Variants in EPHA6 observed in about 807,000 individuals in gnomAD.
The protein encoded by EPHA6 is ephrin type-A receptor 6.
In EPHA6, 50 loss-of-function variants were observed where a neutral mutation model predicts 112.0. The ratio of observed to expected loss-of-function variants is 0.45; its 90% CI spans 0.36 to 0.56. EPHA6 has a LOEUF of 0.56. EPHA6 is among the 20% of genes least tolerant of loss of function. The pLI is 0.00. For missense variants in EPHA6, 1,280 were observed against 1,417.4 expected, an observed-to-expected ratio of 0.90 and a Z score of 1.56; for synonymous variants, 529 against 490.7, an observed-to-expected ratio of 1.08 and a Z score of -1.03.
chr3:97,226,255 T>C lies in EPHA6; in HGVS notation c.1115-9T>C. 2 of 1,588,666 alleles carry C rather than the reference T, an allele frequency of 1.3e-6. No individual in the cohort carries two copies. The highest frequency in any genetic ancestry group is 1.7e-6 in the Non-Finnish European group (2 of 1,170,216). On this transcript the variant is annotated splice_polypyrimidine_tract_variant and intron_variant, in intron 3 of 17. Transcript: ENST00000389672. Reference sequence around the variant, plus strand: ...ATAACTAAAAAAGTGTTTTTTTCTCTTTTTACAGCTTGCAGACCAGGATTC... The same window carrying C: ...ATAACTAAAAAAGTGTTTTTTTCTCCTTTTACAGCTTGCAGACCAGGATTC...
intron 5 of EPHA6, among the ~76,000 whole-genome samples, chr3:97,336,175 C>T (rs1400539361): frequency 6.6e-6 from 1 of 152,080 alleles, no homozygotes; most frequent in Non-Finnish European, 1.5e-5. Context: ...GCAGTCTAGT[C>T]CCCAGGTAGA....
chr3:97,169,070 G>A (rs1484697368), intron 3 of EPHA6, among the ~76,000 whole-genome samples: 1 of 152,124 alleles, frequency 6.6e-6, no homozygotes, highest in Non-Finnish European at 1.5e-5. Flanking sequence ...ACACTTGTGT[G>A]TCACATTGGA....
intron 5 of EPHA6, among the ~76,000 whole-genome samples, chr3:97,375,296 A>G (rs2085288813): frequency 6.6e-6 from 1 of 152,160 alleles, no homozygotes; most frequent in South Asian, 2.1e-4. Context: ...TGTTGTGTCT[A>G]ATATTAGTCT....
intron 3 of EPHA6, among the ~76,000 whole-genome samples, chr3:97,225,372 C>T (rs1046457380): frequency 6.6e-5 from 10 of 152,208 alleles, no homozygotes; most frequent in African/African-American, 2.2e-4. Flanking sequence ...GATTTATTGA[C>T]TATTTTGTGA....
intron 6 of EPHA6, among the ~76,000 whole-genome samples, chr3:97,436,929 A>C (rs1253858938): frequency 6.6e-6 from 1 of 152,204 alleles, no homozygotes; most frequent in African/African-American, 2.4e-5. Context: ...ATTGTGTATA[A>C]TTAAGAGATA....
At chr3:97,079,870 T>C (rs72920208) in intron 3 of EPHA6, among the ~76,000 whole-genome samples, 31,212 of 151,730 alleles carry the variant, frequency 0.21, 6,768 homozygotes, top group African/African-American at 0.55. Context: ...AAAAAAATTA[T>C]GACTTGCTGA....
intron 10 of EPHA6, among the ~76,000 whole-genome samples, chr3:97,486,924 G>T (rs1372377808): frequency 6.6e-6 from 1 of 152,124 alleles, no homozygotes; most frequent in African/African-American, 2.4e-5. Context: ...ACATTGTTTT[G>T]TATCCTTTAT....
chr3:96,949,142 C>A (rs559166122), intron 2 of EPHA6, among the ~76,000 whole-genome samples: 2 of 151,786 alleles, frequency 1.3e-5, no homozygotes, highest in African/African-American at 2.4e-5. Flanking sequence ...TACATCAGGT[C>A]GAAAATAAAT....
chr3:97,598,907 C>T (rs920418952), intron 12 of EPHA6, among the ~76,000 whole-genome samples: 4 of 150,308 alleles, frequency 2.7e-5, no homozygotes, highest in East Asian at 2.0e-4. Context: ...TCCTATTTCT[C>T]CACATCCTCT....
At chr3:97,179,813 C>G (rs2076939753) in intron 3 of EPHA6, among the ~76,000 whole-genome samples, 3 of 150,408 alleles carry the variant, frequency 2.0e-5, no homozygotes, top group Non-Finnish European at 4.4e-5. Flanking sequence ...CTATGGCCAC[C>G]ACCATTGTAA....
chr3:97,262,514 G>T (rs1421372923), intron 5 of EPHA6, among the ~76,000 whole-genome samples: 1 of 152,018 alleles, frequency 6.6e-6, no homozygotes, highest in African/African-American at 2.4e-5. Context: ...CATGTATTTT[G>T]TCAATTACAA....
intron 3 of EPHA6, among the ~76,000 whole-genome samples, chr3:97,214,025 G>A (rs1198612801): frequency 7.0e-6 from 1 of 142,598 alleles, no homozygotes; most frequent in Non-Finnish European, 1.5e-5. Context: ...GTGTGTGTGT[G>A]TGTGTGTGTG....
intron 3 of EPHA6, among the ~76,000 whole-genome samples, chr3:97,204,167 A>G (rs1053161337): frequency 6.6e-6 from 1 of 152,162 alleles, no homozygotes; most frequent in Admixed American, 6.6e-5. Context: ...TACTTAAGGA[A>G]TAGTGAAATT....
intron 3 of EPHA6, among the ~76,000 whole-genome samples, chr3:97,151,567 T>C (rs1041365824): frequency 6.6e-6 from 1 of 152,020 alleles, no homozygotes; most frequent in Non-Finnish European, 1.5e-5. Flanking sequence ...ACCATCAACA[T>C]AGGATCTGAT....
intron 3 of EPHA6, among the ~76,000 whole-genome samples, chr3:97,176,784 C>A (rs1046745245): frequency 1.3e-5 from 2 of 151,284 alleles, no homozygotes; most frequent in African/African-American, 4.8e-5. Context: ...TCTTCTCTTT[C>A]TTTCTTAGTG....
intron 3 of EPHA6, among the ~76,000 whole-genome samples, chr3:97,074,553 C>T (rs544301093): frequency 6.6e-6 from 1 of 151,630 alleles, no homozygotes; most frequent in South Asian, 2.1e-4. Context: ...TCTTTTCTGT[C>T]GTTACTTTTA....
At chr3:97,388,745 A>C (rs1042979464) in intron 5 of EPHA6, among the ~76,000 whole-genome samples, 5 of 152,142 alleles carry the variant, frequency 3.3e-5, no homozygotes, top group Non-Finnish European at 7.3e-5. Context: ...GTTTGGGGGA[A>C]AAAGATCCTC....
chr3:97,391,968 A>G (rs2086424226), intron 5 of EPHA6, among the ~76,000 whole-genome samples: 1 of 151,804 alleles, frequency 6.6e-6, no homozygotes, highest in Admixed American at 6.6e-5. Flanking sequence ...TCCAGTAAGC[A>G]AATTTATAAA....
At chr3:96,973,812 G>A (rs1317180595) in intron 2 of EPHA6, among the ~76,000 whole-genome samples, 8 of 137,236 alleles carry the variant, frequency 5.8e-5, no homozygotes, top group African/African-American at 8.1e-5. Flanking sequence ...GCGACAGAGC[G>A]AGACTCCATA....
Sources: allele counts gnomAD v4.1 joint callset (sites outside exome capture counted in the v4.1 genomes callset), GRCh38; gene constraint gnomAD v4.1.1; transcripts MANE v1.5; gene names NCBI Gene and HGNC (gene_info 2026-07-23, HGNC 2026-07-21).